HDLBP: variants seen among roughly 807,000 people sequenced by gnomAD.
HDLBP encodes high density lipoprotein binding protein.
A neutral mutation model predicts 137.3 loss-of-function variants in HDLBP; 30 were observed. The ratio of observed to expected loss-of-function variants is 0.22; its 90% CI spans 0.16 to 0.30. HDLBP has a LOEUF of 0.30. Ranked by LOEUF, HDLBP falls within the 10% of genes least tolerant of loss-of-function variation. The pLI, the probability that HDLBP is intolerant of heterozygous loss-of-function variation, is 1.00. For missense variants in HDLBP, 1,119 were observed against 1,667.3 expected, an observed-to-expected ratio of 0.67 and a Z score of 5.73; for synonymous variants, 606 against 596.0, an observed-to-expected ratio of 1.02 and a Z score of -0.24.
At chr2:241,231,648 G>A (rs1272016652) in intron 24 of HDLBP, among the ~76,000 whole-genome samples, 1 of 152,092 alleles carries the variant, frequency 6.6e-6, no homozygotes, top group Non-Finnish European at 1.5e-5. Flanking sequence ...GAGGCTGGAG[G>A]CTGGCTGGCA....
chr2:241,267,530 T>C, intron 2 of HDLBP: 1 of 1,509,594 alleles, frequency 6.6e-7, no homozygotes, highest in Non-Finnish European at 8.9e-7. Context: ...CCAGGATCGT[T>C]CTCCTAACAG....
chr2:241,296,847 C>T (rs541299765), intron 1 of HDLBP, among the ~76,000 whole-genome samples: 1 of 152,362 alleles, frequency 6.6e-6, no homozygotes, highest in South Asian at 2.1e-4. Context: ...AAATGCTACT[C>T]TCCAGAAGTG....
intron 1 of HDLBP, among the ~76,000 whole-genome samples, chr2:241,289,818 A>AAGAC (rs1164476998): frequency 1.3e-5 from 2 of 152,164 alleles, no homozygotes; most frequent in Admixed American, 1.3e-4. Context: ...AAACCTCAAG[A>AAGAC]AGACATTAGG....
intron 1 of HDLBP, among the ~76,000 whole-genome samples, chr2:241,279,274 AT>A (rs2074511424): frequency 6.6e-6 from 1 of 152,016 alleles, no homozygotes; most frequent in Non-Finnish European, 1.5e-5. Flanking sequence ...ATTTTATACA[AT>A]TTTTATTTAT....
rs562283643 is a variant in HDLBP, at chr2:241,300,013, T to C, written c.-103+15557A>G. 8.5e-5 allele frequency among the ~76,000 whole-genome samples: 13 copies of C among 152,338 alleles called. No homozygotes were observed. In the East Asian group the frequency reaches 1.2e-3, roughly 14 times the overall value. ...CCCAAACTTTATGTAGCAAAGCATA[T>C]TGTCACGATTCTAAAGTCTGTCACC... On this transcript the variant is annotated intron_variant, in intron 1 of 27. Coordinates refer to ENST00000310931, the MANE Select transcript of HDLBP (RefSeq NM_005336.6).
At position 241,248,235 on chromosome 2, in the gene HDLBP, A is replaced by T. The variant is rs2071834493; in HGVS notation, c.1617+9T>A. ...TATAGAGTTACAGAATGTCTCTGGGAAACTTTACCTCTGGGAATTTGTCAC... is the reference window on the plus strand; with the variant it reads ...TATAGAGTTACAGAATGTCTCTGGGTAACTTTACCTCTGGGAATTTGTCAC... On this transcript the variant is annotated intron_variant, in intron 13 of 27. Transcript: ENST00000310931. 1 of 1,606,530 alleles carries T rather than the reference A, an allele frequency of 6.2e-7. No homozygotes were observed. The highest frequency in any genetic ancestry group is 1.1e-5 in the South Asian group (1 of 90,934).
At chr2:241,269,714 TAAG>T (rs1421359686) in intron 1 of HDLBP, among the ~76,000 whole-genome samples, 1 of 152,160 alleles carries the variant, frequency 6.6e-6, no homozygotes, top group Admixed American at 6.5e-5. Context: ...AAGATTAAAG[TAAG>T]AAAATTTCTC....
intron 13 of HDLBP, 48 bp from the exon 14 acceptor site, chr2:241,248,164 A>AT (rs1192989974): frequency 6.5e-7 from 1 of 1,547,560 alleles, no homozygotes; most frequent in East Asian, 2.2e-5. Flanking sequence ...GGAAGGACAT[A>AT]TATCCCAAAT....
chr2:241,276,196 A>G (rs1187495179), intron 1 of HDLBP, among the ~76,000 whole-genome samples: 1 of 152,194 alleles, frequency 6.6e-6, no homozygotes, highest in East Asian at 1.9e-4. Context: ...TAGAGATACT[A>G]ATTTTAGCCC....
At chr2:241,293,528 C>G (rs1488655224) in intron 1 of HDLBP, among the ~76,000 whole-genome samples, 3 of 151,738 alleles carry the variant, frequency 2.0e-5, no homozygotes, top group Non-Finnish European at 4.4e-5. Context: ...AGGAAGATCG[C>G]CTGAGCCCAG....
chr2:241,235,376 C>A, intron 22 of HDLBP, 114 bp downstream of exon 22: 2 of 1,501,764 alleles, frequency 1.3e-6, no homozygotes, highest in East Asian at 2.3e-5. Context: ...AAGTCAGTGC[C>A]CAGTCCGAGC....
intron 21 of HDLBP, chr2:241,236,239 T>C (rs2070414233): frequency 3.6e-6 from 1 of 275,690 alleles, no homozygotes; most frequent in East Asian, 8.5e-5. Flanking sequence ...CGACACTGAC[T>C]GCACACAAGG....
intron 1 of HDLBP, among the ~76,000 whole-genome samples, chr2:241,304,392 T>C (rs1407244212): frequency 6.6e-6 from 1 of 152,204 alleles, no homozygotes; most frequent in African/African-American, 2.4e-5. Context: ...GCTATCAGCC[T>C]TAGAGCTGGA....
At chr2:241,313,446 A>AC (rs755464065) in intron 1 of HDLBP, among the ~76,000 whole-genome samples, 1 of 151,988 alleles carries the variant, frequency 6.6e-6, no homozygotes, top group South Asian at 2.1e-4. Context: ...TGCCAGGCTA[A>AC]TTTTTGTATT....
In HDLBP at chr2:241,236,635, C is replaced by A. The variant is rs572912678; in HGVS notation, c.2884G>T (p.Ala962Ser). Residue 962 changes from alanine to serine, a missense_variant, in exon 21 of 28, where the codon GCT becomes TCT. Physicochemically the swap from Ala to Ser is moderately conservative, Grantham distance 99. This residue lies in a region of HDLBP where 618 missense variants were observed against 816.7 expected (regional missense o/e 0.76). Coordinates refer to ENST00000310931, the MANE Select transcript of HDLBP (RefSeq NM_005336.6). ...CATACCTCCAGAGCTTCCTTGGCAGCCTCACACTTTTCTTTCCGGCCAGAG... is the reference window on the plus strand; with the variant it reads ...CATACCTCCAGAGCTTCCTTGGCAGACTCACACTTTTCTTTCCGGCCAGAG... ...IISGRKEKCE[A>S]AKEALEALVP... 3.2e-5 allele frequency: 52 copies of A among 1,614,088 alleles called. 1 individual carries two copies. In the South Asian group the frequency reaches 5.7e-4, roughly 18 times the overall value.
intron 16 of HDLBP, among the ~76,000 whole-genome samples, chr2:241,245,383 T>C (rs2071592106): frequency 6.6e-6 from 1 of 152,136 alleles, no homozygotes; most frequent in African/African-American, 2.4e-5. Flanking sequence ...GACGGGGTTT[T>C]GCCCAGGCTG....
intron 11 of HDLBP, among the ~76,000 whole-genome samples, chr2:241,251,997 A>G (rs1559504003): frequency 6.6e-6 from 1 of 151,916 alleles, no homozygotes; most frequent in Admixed American, 6.6e-5. Flanking sequence ...AAACAACACA[A>G]AACATCCTTG....
intron 9 of HDLBP, 80 bp downstream of exon 9, chr2:241,254,971 A>T: frequency 9.0e-7 from 1 of 1,108,688 alleles, no homozygotes; most frequent in Non-Finnish European, 1.4e-6. Context: ...CACAGTACAA[A>T]GGTCAACAAA....
At chr2:241,266,261 T>C (rs970366750) in intron 3 of HDLBP, among the ~76,000 whole-genome samples, 2 of 152,194 alleles carry the variant, frequency 1.3e-5, no homozygotes, top group Non-Finnish European at 2.9e-5. Flanking sequence ...AATGACAGTG[T>C]ATTAGACATA....
Sources: allele counts gnomAD v4.1 joint callset (sites outside exome capture counted in the v4.1 genomes callset), GRCh38; gene constraint gnomAD v4.1.1; regional missense constraint gnomAD v4.1.1; transcripts MANE v1.5; gene names NCBI Gene and HGNC (gene_info 2026-07-23, HGNC 2026-07-21).